The following PIEZO2 variants were observed in gnomAD, a reference collection of about 807,000 sequenced individuals.
PIEZO2 encodes the protein piezo-type mechanosensitive ion channel component 2.
PIEZO2 carries 172 observed loss-of-function variants against 337.3 expected under a neutral mutation model. That is an observed-to-expected ratio of 0.51 (90% CI 0.45 to 0.58). The LOEUF (loss-of-function observed/expected upper bound fraction) is 0.58, where lower values mean the gene tolerates loss of function less well. PIEZO2 is among the 20% of genes least tolerant of loss of function. The probability of loss-of-function intolerance (pLI) is 0.00; values close to 1 mark genes in which losing one functional copy is unlikely to be tolerated. For missense variants in PIEZO2, 3,028 were observed against 3,391.3 expected, an observed-to-expected ratio of 0.89 and a Z score of 2.66; for synonymous variants, 1,251 against 1,228.5, an observed-to-expected ratio of 1.02 and a Z score of -0.38.
In PIEZO2 at chr18:10,979,386, C is replaced by T. The variant is rs1273210341; in HGVS notation, c.286+149G>A. Reference sequence around the variant, plus strand: ...GGCAAAGCTTCTTTATATATATTTACACTGCATTGCCAAAGACCAAAAATT... The same window carrying T: ...GGCAAAGCTTCTTTATATATATTTATACTGCATTGCCAAAGACCAAAAATT... On this transcript the variant is annotated intron_variant, in intron 3 of 55. Transcript: ENST00000674853. This position sits in a 1 kb window ranked among gnomAD's most constrained non-coding sequence, Gnocchi z 4.0. 2 of 710,542 alleles carry T rather than the reference C, an allele frequency of 2.8e-6. No homozygotes were observed. The highest frequency in any genetic ancestry group is 4.1e-6 in the Non-Finnish European group (2 of 492,048). The allele number at this position is 710,542 out of a possible 1,614,324, so 44.0% of individuals were successfully genotyped here.
At chr18:10,831,701 A>G (rs545411132) in intron 7 of PIEZO2, among the ~76,000 whole-genome samples, 1 of 152,370 alleles carries the variant, frequency 6.6e-6, no homozygotes, top group South Asian at 2.1e-4. Flanking sequence ...ATGGATACCC[A>G]TTTAACCTGA....
In PIEZO2 at chr18:10,705,605, G is replaced by A. The variant is rs1237172055; in HGVS notation, c.5730C>T (p.Tyr1910=). 1.2e-5 allele frequency: 19 copies of A among 1,537,114 alleles called. No individual in the cohort carries two copies. The Middle Eastern group carries it at 5.0e-4, about 41-fold the overall frequency. ...REAKEYEATG[Y]DVGAMGAEEA... ...CCTCGGCACCCATGGCTCCCACATC[G>A]TACCCAGTGGCCTCGTACTCCTTGG... The change falls in exon 41 of 56, where the codon TAC becomes TAT. Residue 1910 remains tyrosine (Y), a synonymous_variant. Transcript: ENST00000674853.
Position 10,877,402 on chromosome 18 carries a change from G to A in PIEZO2, c.330-5987C>T, listed in dbSNP as rs564204101. ...AATAATGTAATGCCCAGTCCAACTC[G>A]TCCGCTGAGAAACATTAGCATATAT... On this transcript the variant is annotated intron_variant, in intron 4 of 55. Transcript: ENST00000674853. This position sits in a 1 kb window ranked among gnomAD's most constrained non-coding sequence, Gnocchi z 5.3. Among the ~76,000 whole-genome samples, 26 of 152,254 alleles carry A rather than the reference G, an allele frequency of 1.7e-4. No homozygotes were observed. In the East Asian group the frequency reaches 2.7e-3, roughly 16 times the overall value.
chr18:10,814,898 G>A (rs963822024), intron 7 of PIEZO2, among the ~76,000 whole-genome samples: 2 of 152,150 alleles, frequency 1.3e-5, no homozygotes, highest in African/African-American at 2.4e-5. Flanking sequence ...TTCTGTAAGC[G>A]AGTCCTGGTT....
At chr18:10,681,775 G>C in intron 50 of PIEZO2, 22 bp from the exon 51 acceptor site, 1 of 1,549,778 alleles carries the variant, frequency 6.5e-7, no homozygotes, top group Non-Finnish European at 8.9e-7. Context: ...AGAGAACAGT[G>C]TTGTCAATAT....
At chr18:10,907,120 C>T (rs1200500721) in intron 4 of PIEZO2, among the ~76,000 whole-genome samples, 1 of 152,046 alleles carries the variant, frequency 6.6e-6, no homozygotes, top group African/African-American at 2.4e-5. Context: ...TTTCAGAAAG[C>T]CACCATAAGA....
At chr18:10,909,822 T>C (rs2145063078) in intron 4 of PIEZO2, among the ~76,000 whole-genome samples, 1 of 152,340 alleles carries the variant, frequency 6.6e-6, no homozygotes, top group South Asian at 2.1e-4. Flanking sequence ...TTCTTTCTTT[T>C]AAGTTGGCCT....
In PIEZO2 at chr18:10,970,660, TCACACACACACACA is replaced by T. The variant is rs71169962; in HGVS notation, c.286+8861_286+8874del. 1.9e-4 allele frequency among the ~76,000 whole-genome samples: 26 copies of T among 137,530 alleles called. 1 individual carries two copies. The highest frequency in any genetic ancestry group is 3.9e-4 in the African/African-American group (15 of 38,464). The allele number at this position is 137,530 out of a possible 152,430, so 90.2% of individuals were successfully genotyped here. A position where few individuals can be genotyped will look rare whatever the true frequency, so the allele number is the denominator to read the frequency against. On this transcript the variant is annotated intron_variant, in intron 3 of 55. Transcript: ENST00000674853. ...CAAAACTTAGAACAAAAAAGATGTT[TCACACACACACACA>T]CACACACACACACACACACACACAC...
At position 10,830,883 on chromosome 18, in the gene PIEZO2, C is replaced by A. The variant is rs2040824271; in HGVS notation, c.918-23609G>T. Among the ~76,000 whole-genome samples the A allele has an allele frequency of 6.6e-6, 1 of 152,158 alleles. No individual in the cohort carries two copies. The highest frequency in any genetic ancestry group is 2.4e-5 in the African/African-American group (1 of 41,438). On this transcript the variant is annotated intron_variant, in intron 7 of 55. Coordinates refer to ENST00000674853, the MANE Select transcript of PIEZO2 (RefSeq NM_001378183.1). The surrounding 1 kb of genome is among the most constrained non-coding windows in gnomAD (Gnocchi z 4.7). The stretch of plus-strand genomic sequence containing the variant: ...AAAATTTGGTCAAGATCTGAATAGA[C>A]ATGTCTCAAAAGAAGACATACAAAT...
chr18:10,734,006 A>AGG (rs5823119), intron 35 of PIEZO2, among the ~76,000 whole-genome samples: 7,280 of 152,306 alleles, frequency 0.048, 247 homozygotes, highest in Non-Finnish European at 0.07. Flanking sequence ...TCTTTAAGAC[A>AGG]GGGAGAGCTT....
In PIEZO2 at chr18:10,845,343, T is replaced by C. The variant is rs1457141444; in HGVS notation, c.917+10010A>G. 3.3e-5 allele frequency among the ~76,000 whole-genome samples: 5 copies of C among 152,112 alleles called. No homozygotes were observed. The East Asian group carries it at 9.6e-4, about 29-fold the overall frequency. On this transcript the variant is annotated intron_variant, in intron 7 of 55. Coordinates refer to ENST00000674853, the MANE Select transcript of PIEZO2 (RefSeq NM_001378183.1). ...AGGATTTATTTTTTTGTTTCAGTAA[T>C]ACAAGGATGGTGGTTAGGCTTTTAA...
intron 48 of PIEZO2, among the ~76,000 whole-genome samples, chr18:10,690,968 A>G (rs905492883): frequency 2.0e-5 from 3 of 152,190 alleles, no homozygotes; most frequent in Non-Finnish European, 4.4e-5. Flanking sequence ...TCATTCTCAA[A>G]TATTATCACA....
intron 2 of PIEZO2, among the ~76,000 whole-genome samples, chr18:11,034,742 G>A (rs1214464191): frequency 6.6e-6 from 1 of 152,272 alleles, no homozygotes; most frequent in South Asian, 2.1e-4. Context: ...CTACTCGGGA[G>A]ACTGAGGCAG....
chr18:10,757,263 A>G (rs12605455), intron 27 of PIEZO2, among the ~76,000 whole-genome samples: 116,405 of 142,668 alleles, frequency 0.82, 47,600 homozygotes, highest in East Asian at 0.91. Context: ...ATGGGGATGA[A>G]TATGAGGGAT....
intron 2 of PIEZO2, among the ~76,000 whole-genome samples, chr18:11,064,808 T>G (rs1330460269): frequency 6.6e-6 from 1 of 152,218 alleles, no homozygotes; most frequent in Non-Finnish European, 1.5e-5. Context: ...TTTAAAGCAC[T>G]TTATTGTGAA....
intron 3 of PIEZO2, among the ~76,000 whole-genome samples, chr18:10,939,089 A>AAC (rs397858132): frequency 6.6e-5 from 10 of 152,074 alleles, no homozygotes; most frequent in African/African-American, 2.4e-4. Flanking sequence ...CAAAAAAAAA[A>AAC]TGTAAGTTTA....
Position 10,784,750 on chromosome 18 carries a change from T to TA in PIEZO2, c.2492+33dup. The TA allele has an allele frequency of 6.8e-7, 1 of 1,481,364 alleles. No homozygotes were observed. Among genetic ancestry groups the TA allele is most frequent in the Non-Finnish European group, 9.0e-7 (1 of 1,114,422 alleles). The allele number at this position is 1,481,364 out of a possible 1,614,324, so 91.8% of individuals were successfully genotyped here. On this transcript the variant is annotated intron_variant, in intron 17 of 55. Transcript: ENST00000674853. This position sits in a 1 kb window ranked among gnomAD's most constrained non-coding sequence, Gnocchi z 4.5. ...TAGGGTTGAAGAGCTGCCTTCCTGC[T>TA]AATAAGAGGTCTGTGTTTCTTCCAG...
At chr18:10,782,316 ATATAT>A (rs1475083444) in intron 17 of PIEZO2, among the ~76,000 whole-genome samples, 3 of 99,620 alleles carry the variant, frequency 3.0e-5, no homozygotes, top group African/African-American at 1.3e-4. Flanking sequence ...TAATTATATA[ATATAT>A]TATAATTATA....
chr18:10,995,232 T>C (rs756949056), intron 2 of PIEZO2, among the ~76,000 whole-genome samples: 1 of 152,148 alleles, frequency 6.6e-6, no homozygotes, highest in African/African-American at 2.4e-5. Flanking sequence ...GTTAGTGATG[T>C]TGAGCATTTT....
Sources: allele counts gnomAD v4.1 joint callset (sites outside exome capture counted in the v4.1 genomes callset), GRCh38; gene constraint gnomAD v4.1.1; non-coding constraint Gnocchi (gnomAD v3.1); transcripts MANE v1.5; gene names NCBI Gene and HGNC (gene_info 2026-07-23, HGNC 2026-07-21).